NSUN6: variants seen among roughly 807,000 people sequenced by gnomAD.
The protein encoded by NSUN6 is NOP2/Sun RNA methyltransferase 6, also known as tRNA (cytosine(72)-C(5))-methyltransferase NSUN6.
In NSUN6, 64 loss-of-function variants were observed where a neutral mutation model predicts 58.0. The observed-to-expected ratio is 1.10, with a 90% CI of 0.90 to 1.36. The LOEUF (loss-of-function observed/expected upper bound fraction) is 1.36. Ranked by LOEUF, NSUN6 falls within the 40% of genes most tolerant of loss-of-function variation. The probability of loss-of-function intolerance (pLI) is 0.00; values close to 1 mark genes in which losing one functional copy is unlikely to be tolerated. For synonymous variants in NSUN6, 231 were observed against 193.9 expected (o/e 1.19, Z -1.59); for missense variants, 701 against 550.1 (o/e 1.27, Z -2.74).
At chr10:18,570,924 A>T (rs62648447) in intron 8 of NSUN6, among the ~76,000 whole-genome samples, 39,285 of 148,800 alleles carry the variant, frequency 0.26, 5,295 homozygotes, top group Admixed American at 0.33. Context: ...TCCATTCTAC[A>T]TTCAATTACA....
rs762059143 is a variant in NSUN6, at chr10:18,551,851, T to C, written c.1043A>G (p.Gln348Arg). The C allele has an allele frequency of 3.1e-6, 5 of 1,613,614 alleles. No individual in the cohort carries two copies. The South Asian group carries it at 5.5e-5, about 18-fold the overall frequency. Residue 348 changes from glutamine to arginine, a missense_variant, in exon 9 of 11, where the codon CAG becomes CGG. Physicochemically the swap from Gln to Arg is conservative, Grantham distance 43. Transcript: ENST00000377304. ...AGTGAAGAGTTTTCGCTGTAATGGC[T>C]GATATGATGCCACTTCCTTCACAGA... ...TWSVKEVASY[Q>R]PLQRKLFTAA...
At chr10:18,629,243 T>G (rs1199604973) in intron 3 of NSUN6, among the ~76,000 whole-genome samples, 1 of 151,790 alleles carries the variant, frequency 6.6e-6, no homozygotes, top group Non-Finnish European at 1.5e-5. Context: ...CTAAAAGAGC[T>G]CCTGAAGGAA....
chr10:18,603,536 T>G (rs2057932600), intron 6 of NSUN6, among the ~76,000 whole-genome samples: 1 of 150,920 alleles, frequency 6.6e-6, no homozygotes, highest in South Asian at 2.1e-4. Context: ...AATGGTGCAA[T>G]CTAGGCTCAC....
chr10:18,651,400 G>A lies in NSUN6; in HGVS notation c.-197C>T, dbSNP rs933287841. The A allele has an allele frequency of 2.3e-6, 3 of 1,286,868 alleles. No homozygotes were observed. The highest frequency in any genetic ancestry group is 3.1e-5 in the African/African-American group (2 of 64,702). The allele number at this position is 1,286,868 out of a possible 1,614,324, so 79.7% of individuals were successfully genotyped here. A position where few individuals can be genotyped will look rare whatever the true frequency, so the allele number is the denominator to read the frequency against. On this transcript the variant is annotated 5_prime_UTR_variant, in exon 1 of 11. Coordinates refer to ENST00000377304, the MANE Select transcript of NSUN6 (RefSeq NM_182543.5). ...CTAGCCGATTAGAAGGGGCTGCCGG[G>A]CTTCCACCACACCTCATCGAGGCAA...
intron 8 of NSUN6, among the ~76,000 whole-genome samples, chr10:18,557,374 G>C (rs1011253762): frequency 1.3e-5 from 2 of 151,154 alleles, no homozygotes; most frequent in African/African-American, 2.4e-5. Context: ...GAATGAAATG[G>C]AGTGGAGAGT....
chr10:18,566,547 T>C (rs2055967150), intron 8 of NSUN6, among the ~76,000 whole-genome samples: 2 of 136,608 alleles, frequency 1.5e-5, no homozygotes, highest in African/African-American at 2.5e-5. Flanking sequence ...GTCCAATCCA[T>C]TCCATTCTCC....
In NSUN6 at chr10:18,597,304, G is replaced by C. The variant is rs138830106; in HGVS notation, c.658-977C>G. Among the ~76,000 whole-genome samples the C allele has an allele frequency of 4.3e-3, 648 of 152,294 alleles. 2 individuals are homozygous for C. Among genetic ancestry groups the C allele is most frequent in the Middle Eastern group, 0.01 (3 of 294 alleles). On this transcript the variant is annotated intron_variant, in intron 6 of 10. Coordinates refer to ENST00000377304, the MANE Select transcript of NSUN6 (RefSeq NM_182543.5). ...CTAAAATTATTTGGCAAGAAAAACAGAGTCTTATAAGCATGGAGTTACTTG... is the reference window on the plus strand; with the variant it reads ...CTAAAATTATTTGGCAAGAAAAACACAGTCTTATAAGCATGGAGTTACTTG...
At chr10:18,557,117 T>C (rs542507607) in intron 8 of NSUN6, among the ~76,000 whole-genome samples, 169 of 148,744 alleles carry the variant, frequency 1.1e-3, no homozygotes, top group African/African-American at 4.0e-3. Flanking sequence ...CAGAATGGAA[T>C]GGAAAGTAGA....
intron 6 of NSUN6, among the ~76,000 whole-genome samples, chr10:18,598,042 C>A (rs1170948449): frequency 6.6e-6 from 1 of 152,228 alleles, no homozygotes; most frequent in East Asian, 1.9e-4. Flanking sequence ...CCTGAAGCAA[C>A]TGAAGATCCA....
At chr10:18,627,400 A>G (rs1454294142) in intron 3 of NSUN6, among the ~76,000 whole-genome samples, 1 of 152,228 alleles carries the variant, frequency 6.6e-6, no homozygotes, top group Non-Finnish European at 1.5e-5. Flanking sequence ...GAGAAAAAAG[A>G]ATAAAAATCT....
intron 7 of NSUN6, among the ~76,000 whole-genome samples, chr10:18,595,764 C>T (rs1233306160): frequency 2.0e-5 from 3 of 152,004 alleles, no homozygotes; most frequent in Non-Finnish European, 4.4e-5. Flanking sequence ...AAAATGATAA[C>T]TTCAAATAGT....
At chr10:18,583,288 T>C (rs1417419751) in intron 8 of NSUN6, among the ~76,000 whole-genome samples, 1 of 152,146 alleles carries the variant, frequency 6.6e-6, no homozygotes, top group Non-Finnish European at 1.5e-5. Context: ...CCAACTCCTA[T>C]AAGGCAACCC....
At chr10:18,649,431 G>C (rs2059640784) in intron 1 of NSUN6, among the ~76,000 whole-genome samples, 1 of 151,906 alleles carries the variant, frequency 6.6e-6, no homozygotes, top group South Asian at 2.1e-4. Flanking sequence ...TGAACATTCA[G>C]CCTGGGCAAC....
rs1488197427 is a variant in NSUN6 at position 18,584,284 on chromosome 10, G to A, written c.922+1665C>T. Among the ~76,000 whole-genome samples, 7 of 152,268 alleles carry A rather than the reference G, an allele frequency of 4.6e-5. No individual in the cohort carries two copies. The East Asian group carries it at 1.2e-3, about 25-fold the overall frequency. On this transcript the variant is annotated intron_variant, in intron 8 of 10. Transcript: ENST00000377304. ...AGCTAGCAGTGGGAGCCCTGCCCTC[G>A]TTCACTTCCCCCCTTACCTTATAAA...
At chr10:18,633,738 T>C (rs2059117967) in intron 3 of NSUN6, among the ~76,000 whole-genome samples, 2 of 152,150 alleles carry the variant, frequency 1.3e-5, no homozygotes, top group African/African-American at 4.8e-5. Context: ...AACCAGACAA[T>C]CTGTTGTTTT....
At chr10:18,619,895 A>G (rs1044945805) in intron 3 of NSUN6, among the ~76,000 whole-genome samples, 12 of 152,142 alleles carry the variant, frequency 7.9e-5, no homozygotes, top group Admixed American at 1.3e-4. Context: ...GTGGTATCAC[A>G]CATAACATTT....
chr10:18,609,951 A>C, intron 5 of NSUN6, 25 bp from the exon 6 acceptor site: 1 of 1,355,750 alleles, frequency 7.4e-7, no homozygotes, highest in Non-Finnish European at 1.1e-6. Flanking sequence ...ATCTAACATT[A>C]GTCTGTATAA....
chr10:18,603,485 T>C (rs1038921339), intron 6 of NSUN6, among the ~76,000 whole-genome samples: 6 of 151,894 alleles, frequency 4.0e-5, no homozygotes, highest in Non-Finnish European at 7.4e-5. Flanking sequence ...TTTCTTTTTT[T>C]TTGGGATGGA....
At chr10:18,601,824 A>T (rs1025073927) in intron 6 of NSUN6, among the ~76,000 whole-genome samples, 1 of 151,770 alleles carries the variant, frequency 6.6e-6, no homozygotes, top group Non-Finnish European at 1.5e-5. Context: ...TAAAAATACA[A>T]AAATTAGCTG....
Sources: gnomAD v4.1 joint callset for allele counts (sites outside exome capture counted in the v4.1 genomes callset) on GRCh38, gnomAD v4.1.1 for gene constraint, MANE v1.5 for transcripts, NCBI Gene and HGNC (gene_info 2026-07-23, HGNC 2026-07-21) for gene names.